The following CPAMD8 variants were observed in gnomAD, a reference collection of about 807,000 sequenced individuals.
CPAMD8 encodes the protein C3 and PZP-like alpha-2-macroglobulin domain-containing protein 8.
A neutral mutation model predicts 224.7 loss-of-function variants in CPAMD8; 146 were observed. The ratio of observed to expected loss-of-function variants is 0.65; its 90% CI spans 0.57 to 0.75. The LOEUF is 0.75. Ranked by LOEUF, CPAMD8 falls within the 30% of genes least tolerant of loss-of-function variation. The pLI is 0.00. For synonymous variants in CPAMD8, 966 were observed against 1,044.6 expected (o/e 0.92, Z 1.45); for missense variants, 2,301 against 2,537.5 (o/e 0.91, Z 2.00).
intron 23 of CPAMD8, among the ~76,000 whole-genome samples, chr19:16,934,954 T>G (rs1471243476): frequency 6.6e-6 from 1 of 152,144 alleles, no homozygotes; most frequent in Non-Finnish European, 1.5e-5. Context: ...GCACCCATTA[T>G]TACATTAAGC....
intron 18 of CPAMD8, among the ~76,000 whole-genome samples, chr19:16,958,621 C>CT (rs1309688642): frequency 2.0e-5 from 3 of 151,932 alleles, no homozygotes; most frequent in Non-Finnish European, 2.9e-5. Flanking sequence ...ATTTATATTC[C>CT]TTTGAGTATA....
rs1268437518 is a variant in CPAMD8, at chr19:16,896,534, T to C, written c.5197A>G (p.Ser1733Gly). Residue 1733 changes from serine (S) to glycine (G), a missense_variant, in exon 40 of 42, where the codon AGC becomes GGC. Ser to Gly is a moderately conservative substitution (Grantham distance 56, BLOSUM62 0). Around this residue, in one of 4 missense-constraint regions of CPAMD8, gnomAD observed 1,709 missense variants for 1,753.2 expected, o/e 0.97. Transcript: ENST00000443236. ...GCGGCCTCCCGCAGGCGGCAGGCGC[T>C]GGCGTAGACCACCCCGTCGGAGCCG... is the stretch of plus-strand genomic sequence containing the variant. ...VCGSDGVVYA[S>G]ACRLREAACR... 5 of 1,465,162 alleles carry C rather than the reference T, an allele frequency of 3.4e-6. No homozygotes were observed. The highest frequency in any genetic ancestry group is 4.5e-6 in the Non-Finnish European group (5 of 1,117,696). The allele number at this position is 1,465,162 out of a possible 1,614,324, so 90.8% of individuals were successfully genotyped here. A position where few individuals can be genotyped will look rare whatever the true frequency, so the allele number is the denominator to read the frequency against.
intron 15 of CPAMD8, 68 bp downstream of exon 15, chr19:16,977,300 T>A: frequency 1.9e-6 from 2 of 1,031,100 alleles, no homozygotes; most frequent in Non-Finnish European, 1.5e-6. Flanking sequence ...ACAGACCCCC[T>A]GGCCAGCACC....
chr19:16,944,553 C>T (rs890430536), intron 22 of CPAMD8, among the ~76,000 whole-genome samples: 1 of 152,160 alleles, frequency 6.6e-6, no homozygotes, highest in Non-Finnish European at 1.5e-5. Flanking sequence ...GGAGGGCAGG[C>T]TGTGGCCCAG....
chr19:16,949,863 G>A (rs545422841), intron 20 of CPAMD8, among the ~76,000 whole-genome samples: 38 of 152,274 alleles, frequency 2.5e-4, no homozygotes, highest in Admixed American at 1.9e-3. Context: ...CCCGGCACCC[G>A]TAGACATTGA....
At chr19:16,922,040 GC>G in intron 26 of CPAMD8, 54 bp from the exon 27 acceptor site, 2 of 1,261,926 alleles carry the variant, frequency 1.6e-6, no homozygotes, top group South Asian at 1.3e-5. Flanking sequence ...GCCCAGGCCC[GC>G]CCCCAGGGAC....
rs975829907 is a variant in CPAMD8, at chr19:16,914,754, G to A, written c.3689C>T (p.Pro1230Leu). The A allele has an allele frequency of 1.2e-6, 2 of 1,614,012 alleles. No individual in the cohort carries two copies. The highest frequency in any genetic ancestry group is 1.3e-5 in the African/African-American group (1 of 74,950). The change falls in exon 28 of 42, where the codon CCC (proline) becomes CTC (leucine). Residue 1230 changes from proline to leucine, a missense_variant. Around this residue, in one of 4 missense-constraint regions of CPAMD8, gnomAD observed 1,709 missense variants for 1,753.2 expected, o/e 0.97. Transcript: ENST00000443236. ...GCTCTTGGCGGCAGCCAGCTCCCGG[G>A]GGTCCACGAAGATAAAGCTGCGAGC... is the stretch of plus-strand genomic sequence containing the variant. ...AQARSFIFVD[P>L]RELAAAKSWI...
At chr19:16,962,729 A>C (rs1355963474) in intron 18 of CPAMD8, among the ~76,000 whole-genome samples, 1 of 152,194 alleles carries the variant, frequency 6.6e-6, no homozygotes, top group Non-Finnish European at 1.5e-5. Context: ...CAACCCCAAG[A>C]CACATAATTG....
intron 5 of CPAMD8, among the ~76,000 whole-genome samples, chr19:17,010,139 C>T (rs929572661): frequency 6.6e-6 from 1 of 152,092 alleles, no homozygotes; most frequent in African/African-American, 2.4e-5. Context: ...AGCAAAGAAA[C>T]ATGCTATAAA....
chr19:16,942,371 A>G (rs2053928026), intron 22 of CPAMD8, among the ~76,000 whole-genome samples: 1 of 152,142 alleles, frequency 6.6e-6, no homozygotes, highest in South Asian at 2.1e-4. Flanking sequence ...CTGAGAAAGA[A>G]GAATCACTGG....
At chr19:16,977,641 T>C in intron 14 of CPAMD8, 101 bp from the exon 15 acceptor site, 2 of 808,194 alleles carry the variant, frequency 2.5e-6, no homozygotes, top group Non-Finnish European at 3.8e-6. Context: ...GCTATGCTCC[T>C]GTCTACGCAT....
Position 17,017,062 on chromosome 19 carries a change from G to A in CPAMD8, c.267+3269C>T, listed in dbSNP as rs370566223. On this transcript the variant is annotated intron_variant, in intron 3 of 41. Transcript: ENST00000443236. ...TGAACCTTCATCTGTATTTACAGCC[G>A]CTCCCCATCACTCACATTACTGCCT... 6.7e-4 allele frequency among the ~76,000 whole-genome samples: 102 copies of A among 152,146 alleles called. 1 individual carries two copies. The highest frequency in any genetic ancestry group is 2.1e-3 in the African/African-American group (89 of 41,520).
At chr19:16,996,714 G>A (rs920248568) in intron 11 of CPAMD8, among the ~76,000 whole-genome samples, 3 of 151,736 alleles carry the variant, frequency 2.0e-5, no homozygotes. Flanking sequence ...AGCTACTTGG[G>A]AGGCTGAGGC....
chr19:16,904,183 C>CCCCACCCCCCA, intron 32 of CPAMD8, 43 bp downstream of exon 32: 1 of 1,135,838 alleles, frequency 8.8e-7, no homozygotes, highest in Non-Finnish European at 1.3e-6. Flanking sequence ...GGGACCCCAC[C>CCCCACCCCCCA]CACCCAGCCC....
chr19:16,897,508 G>C (rs1393910049), intron 39 of CPAMD8, 183 bp downstream of exon 39: 3 of 551,232 alleles, frequency 5.4e-6, no homozygotes, highest in South Asian at 2.2e-5. Context: ...CCCGCTGACC[G>C]CTCCTCCAGC....
chr19:16,963,991 T>C (rs1339680159), intron 18 of CPAMD8, among the ~76,000 whole-genome samples: 2 of 152,050 alleles, frequency 1.3e-5, no homozygotes, highest in Non-Finnish European at 2.9e-5. Flanking sequence ...TTGAAACCAA[T>C]GAGAACAAAG....
rs2054525793 is a variant in CPAMD8 at position 16,957,919 on chromosome 19, T to TGAAAAGAA, written c.2214-12_2214-5dup. ...AGTCCTTTTTCTCTTCTCTGTTCTA[T>TGAAAAGAA]GAAAAGAAAAAAAGAAACGATTAAG... On this transcript the variant is annotated splice_region_variant and splice_polypyrimidine_tract_variant and intron_variant, in intron 18 of 41. Transcript: ENST00000443236. 6.2e-7 allele frequency: 1 copy of TGAAAAGAA among 1,611,824 alleles called. No individual in the cohort carries two copies.
At chr19:16,912,944 C>A (rs1465563915) in intron 29 of CPAMD8, among the ~76,000 whole-genome samples, 1 of 152,146 alleles carries the variant, frequency 6.6e-6, no homozygotes, top group African/African-American at 2.4e-5. Flanking sequence ...AGAACATCAT[C>A]AATTATTCTA....
intron 22 of CPAMD8, among the ~76,000 whole-genome samples, chr19:16,939,850 A>G (rs1485222846): frequency 6.6e-6 from 1 of 151,500 alleles, no homozygotes; most frequent in Admixed American, 6.6e-5. Context: ...CAGCTACACC[A>G]CTGGCTTTAC....
Sources: gnomAD v4.1 joint callset for allele counts (sites outside exome capture counted in the v4.1 genomes callset) on GRCh38, gnomAD v4.1.1 for gene constraint, gnomAD v4.1.1 regional missense constraint, MANE v1.5 for transcripts, NCBI Gene and HGNC (gene_info 2026-07-23, HGNC 2026-07-21) for gene names.